GRAMD4: variants seen among roughly 807,000 people sequenced by gnomAD.
The protein encoded by GRAMD4 is GRAM domain-containing protein 4.
A neutral mutation model predicts 83.9 loss-of-function variants in GRAMD4; 25 were observed. The observed-to-expected ratio is 0.30, with a 90% CI of 0.22 to 0.42. The LOEUF (loss-of-function observed/expected upper bound fraction) is 0.42, where lower values mean the gene tolerates loss of function less well. Ranked by LOEUF, GRAMD4 falls within the 10% of genes least tolerant of loss-of-function variation. The probability of loss-of-function intolerance (pLI) is 1.00; values close to 1 mark genes in which losing one functional copy is unlikely to be tolerated. For missense variants in GRAMD4, 593 were observed against 788.7 expected, an observed-to-expected ratio of 0.75 and a Z score of 2.97; for synonymous variants, 336 against 320.9, an observed-to-expected ratio of 1.05 and a Z score of -0.50.
rs550201998 is a variant in GRAMD4 at position 46,663,086 on chromosome 22, C to T, written c.513C>T (p.Tyr171=). 3.1e-5 allele frequency: 50 copies of T among 1,612,110 alleles called. No homozygotes were observed. The East Asian group carries it at 5.1e-4, about 17-fold the overall frequency. Residue 171 remains tyrosine, a synonymous_variant, in exon 6 of 19, where the codon TAC becomes TAT. Coordinates refer to ENST00000406902, the MANE Select transcript of GRAMD4 (RefSeq NM_015124.5). Reference sequence around the variant, plus strand: ...CCTCGCGCCTGCAGAAGTGGTTCTACGAGCGGTTTGGGGAGTACGTGGAGG... The same window carrying T: ...CCTCGCGCCTGCAGAAGTGGTTCTATGAGCGGTTTGGGGAGTACGTGGAGG... ...GLSSRLQKWF[Y]ERFGEYVEDF...
intron 1 of GRAMD4, among the ~76,000 whole-genome samples, chr22:46,591,264 C>T (rs755717523): frequency 2.0e-5 from 3 of 152,144 alleles, no homozygotes; most frequent in Non-Finnish European, 4.4e-5. Flanking sequence ...TGCCTGTAGT[C>T]CCAGCACTTT....
At chr22:46,635,434 C>T (rs13054892) in intron 2 of GRAMD4, among the ~76,000 whole-genome samples, 15 of 63,160 alleles carry the variant, frequency 2.4e-4, no homozygotes, top group East Asian at 9.8e-4. Context: ...CCCCCGCCCC[C>T]GGCCACTCCT....
intron 3 of GRAMD4, among the ~76,000 whole-genome samples, chr22:46,650,649 G>A (rs1428390207): frequency 6.6e-6 from 1 of 152,268 alleles, no homozygotes; most frequent in African/African-American, 2.4e-5. Flanking sequence ...GCAGGTGGGT[G>A]CACAACCAGC....
intron 1 of GRAMD4, among the ~76,000 whole-genome samples, chr22:46,606,012 G>T (rs1223335478): frequency 7.0e-5 from 1 of 14,292 alleles, no homozygotes; most frequent in African/African-American, 1.6e-4. Context: ...CTCTGCATGG[G>T]TTTATTGACC....
chr22:46,657,481 G>A (rs564062220), intron 3 of GRAMD4, among the ~76,000 whole-genome samples: 43 of 152,326 alleles, frequency 2.8e-4, no homozygotes, highest in Admixed American at 2.5e-3. Flanking sequence ...GCCAGAGGCT[G>A]CCTGCACTCC....
upstream of GRAMD4, among the ~76,000 whole-genome samples, chr22:46,576,255 G>A (rs73181057): frequency 0.17 from 26,253 of 152,112 alleles, 2,791 homozygotes; most frequent in Middle Eastern, 0.32. Flanking sequence ...CCAACTCCTC[G>A]CAACCATCCT....
At position 46,677,682 on chromosome 22, in the gene GRAMD4, T is replaced by C. The variant is rs2748342; in HGVS notation, c.*431T>C. On this transcript the variant is annotated 3_prime_UTR_variant, in exon 19 of 19. Coordinates refer to ENST00000406902, the MANE Select transcript of GRAMD4 (RefSeq NM_015124.5). ...CACCACCAAAGCCATAGCTGAAGAG[T>C]GCGGGGCCCTTCCTCCTGGGGACAG... 669 of 987,592 alleles carry C rather than the reference T, an allele frequency of 6.8e-4. 3 individuals carry two copies. The African/African-American group carries it at 0.011, about 17-fold the overall frequency. The allele number at this position is 987,592 out of a possible 1,614,324, so 61.2% of individuals were successfully genotyped here. A position where few individuals can be genotyped will look rare whatever the true frequency, so the allele number is the denominator to read the frequency against.
chr22:46,676,529 G>C, intron 17 of GRAMD4, 71 bp from the exon 18 acceptor site: 4 of 1,381,696 alleles, frequency 2.9e-6, no homozygotes, highest in Non-Finnish European at 1.0e-6. Context: ...AGGATGCCCT[G>C]GGCCTGTGGA....
At chr22:46,667,381 C>T (rs985226335) in intron 10 of GRAMD4, among the ~76,000 whole-genome samples, 1 of 152,244 alleles carries the variant, frequency 6.6e-6, no homozygotes, top group Non-Finnish European at 1.5e-5. Context: ...ACCTCTGGCC[C>T]ACTGCCTAAC....
chr22:46,616,450 A>T (rs377477486), upstream of GRAMD4, among the ~76,000 whole-genome samples: 1 of 85,432 alleles, frequency 1.2e-5, no homozygotes, highest in Admixed American at 1.3e-4. Flanking sequence ...CTGTGCGTGT[A>T]GGTTCCCCCG....
intron 1 of GRAMD4, among the ~76,000 whole-genome samples, chr22:46,599,321 G>GTT (rs1367806664): frequency 6.6e-6 from 1 of 151,536 alleles, no homozygotes; most frequent in African/African-American, 2.4e-5. Context: ...TAGATACTAA[G>GTT]TTGTTTTTTT....
chr22:46,593,970 C>T (rs5769007), intron 1 of GRAMD4, among the ~76,000 whole-genome samples: 13,960 of 151,914 alleles, frequency 0.092, 741 homozygotes, highest in East Asian at 0.27. Flanking sequence ...GGTGATCTGC[C>T]CGCCTCGGCC....
At chr22:46,606,595 T>C (rs3889017) in intron 1 of GRAMD4, among the ~76,000 whole-genome samples, 4 of 13,028 alleles carry the variant, frequency 3.1e-4, no homozygotes, top group Non-Finnish European at 7.8e-4. Flanking sequence ...TCTGCATGGG[T>C]TTATTGACCG....
intron 3 of GRAMD4, among the ~76,000 whole-genome samples, chr22:46,657,625 CAG>C (rs1214324973): frequency 6.6e-6 from 1 of 152,236 alleles, no homozygotes; most frequent in African/African-American, 2.4e-5. Flanking sequence ...GGCCTTGACT[CAG>C]AACTCACCTT....
chr22:46,650,303 C>T (rs979462123), intron 3 of GRAMD4, among the ~76,000 whole-genome samples: 10 of 151,578 alleles, frequency 6.6e-5, no homozygotes, highest in Non-Finnish European at 8.8e-5. Context: ...CTTCCCTGTG[C>T]GCTGAGTGTC....
rs202033086 is a variant in GRAMD4, at chr22:46,626,986, G to C, written c.162+25G>C. 339 of 1,560,590 alleles carry C rather than the reference G, an allele frequency of 2.2e-4. 2 individuals are homozygous for C. In the Middle Eastern group the frequency reaches 6.9e-3, roughly 32 times the overall value. Reference sequence around the variant, plus strand: ...TGTGAGTACCTGTCCTCGTCCCCCGGTGTGGGCTGGGGTGTCGTCCCCGTC... The same window carrying C: ...TGTGAGTACCTGTCCTCGTCCCCCGCTGTGGGCTGGGGTGTCGTCCCCGTC... On this transcript the variant is annotated intron_variant, in intron 2 of 18. Coordinates refer to ENST00000406902, the MANE Select transcript of GRAMD4 (RefSeq NM_015124.5).
chr22:46,679,823 C>T (rs1010139658), downstream of GRAMD4: 1 of 982,552 alleles, frequency 1.0e-6, no homozygotes, highest in East Asian at 1.1e-4. Context: ...GGGCCACACG[C>T]ATTGTAGGCG....
intron 3 of GRAMD4, among the ~76,000 whole-genome samples, chr22:46,642,512 G>T (rs1291565951): frequency 1.3e-5 from 2 of 152,190 alleles, no homozygotes; most frequent in African/African-American, 4.8e-5. Flanking sequence ...TTACACATTT[G>T]TTTGATCCCT....
intron 1 of GRAMD4, among the ~76,000 whole-genome samples, chr22:46,604,191 G>T (rs1416198484): frequency 6.6e-6 from 1 of 152,148 alleles, no homozygotes; most frequent in Non-Finnish European, 1.5e-5. Context: ...GCGTGGCAGG[G>T]CTGGCCTCCC....
Sources: allele counts gnomAD v4.1 joint callset (sites outside exome capture counted in the v4.1 genomes callset), GRCh38; gene constraint gnomAD v4.1.1; transcripts MANE v1.5; gene names NCBI Gene and HGNC (gene_info 2026-07-23, HGNC 2026-07-21).